Variants in BMP15 observed in about 807,000 individuals in gnomAD.
BMP15 encodes the protein bone morphogenetic protein 15, also known as growth/differentiation factor 9B.
BMP15 carries 5 observed loss-of-function variants against 4.4 expected under a neutral mutation model. The observed-to-expected ratio is 1.13, with a 90% CI of 0.59 to 2.38. The LOEUF (loss-of-function observed/expected upper bound fraction) is 2.38. Among genes scored for constraint, BMP15 ranks in the 30% most tolerant of loss-of-function variants. The probability of loss-of-function intolerance (pLI) is 0.01; values close to 1 mark genes in which losing one functional copy is unlikely to be tolerated. For synonymous variants in BMP15, 125 were observed against 114.6 expected, an observed-to-expected ratio of 1.09 and a Z score of -0.58; for missense variants, 339 against 309.8, an observed-to-expected ratio of 1.09 and a Z score of -0.71.
chrX:50,915,607 T>C lies in BMP15; in HGVS notation c.329-150T>C. 6.0e-6 allele frequency: 4 copies of C among 663,690 alleles called. No homozygotes were observed. The East Asian group carries it at 1.4e-4, about 22-fold the overall frequency. The allele number at this position is 663,690 out of a possible 1,213,427, so 54.7% of individuals were successfully genotyped here. ...ACATGTAAAGCATCTAGTGTATTAGTAAGTGCTCAGTAAATGATAGTATCA... is the reference window on the plus strand; with the variant it reads ...ACATGTAAAGCATCTAGTGTATTAGCAAGTGCTCAGTAAATGATAGTATCA... On this transcript the variant is annotated intron_variant, in intron 1 of 1. Transcript: ENST00000252677.
Position 50,916,290 on chromosome X carries a change from A to G in BMP15, c.862A>G (p.Asn288Asp), listed in dbSNP as rs141949448. Residue 288 changes from asparagine to aspartate, a missense_variant, in exon 2 of 2, where the codon AAT (asparagine) becomes GAT (aspartate). Physicochemically the swap from Asn to Asp is conservative, Grantham distance 23. Transcript: ENST00000252677. Reference protein sequence around the residue: ...ASSSKHSGPENNQCSLHPFQI... With the variant: ...ASSSKHSGPEDNQCSLHPFQI... ...TTCCTCAAAACATAGCGGGCCTGAA[A>G]ATAACCAGTGTTCCCTCCACCCTTT... 173 of 1,203,511 alleles carry G rather than the reference A, an allele frequency of 1.4e-4. No individual in the cohort carries two copies. The African/African-American group carries it at 2.7e-3, about 19-fold the overall frequency.
intron 1 of BMP15, among the ~76,000 whole-genome samples, chrX:50,914,652 A>T (rs781799473): frequency 8.9e-6 from 1 of 112,189 alleles, no homozygotes; most frequent in South Asian, 3.7e-4. Flanking sequence ...CTAATGAAGA[A>T]TTCCAGGCTT....
At chrX:50,912,737 G>A (rs1923039170) in intron 1 of BMP15, among the ~76,000 whole-genome samples, 1 of 111,943 alleles carries the variant, frequency 8.9e-6, no homozygotes, top group Admixed American at 9.5e-5. Flanking sequence ...ATCAAGATAG[G>A]TAAAACCCCT....
In BMP15 at chrX:50,916,578, A is replaced by G. The variant is rs781968822; in HGVS notation, c.1150A>G (p.Met384Val). 6 of 1,209,416 alleles carry G rather than the reference A, an allele frequency of 5.0e-6. No homozygotes were observed. In the East Asian group the frequency reaches 1.8e-4, roughly 36 times the overall value. The change falls in exon 2 of 2, where the codon ATG becomes GTG. Residue 384 changes from methionine to valine, a missense_variant. Transcript: ENST00000252677. ...TATTTTGTACAAGGAGTATGAGGGTATGATTGCTGAGTCTTGTACATGCAG... is the reference window on the plus strand; with the variant it reads ...TATTTTGTACAAGGAGTATGAGGGTGTGATTGCTGAGTCTTGTACATGCAG... The part of the protein sequence containing the change: ...GSILYKEYEG[M>V]IAESCTCR
At chrX:50,912,986 G>C (rs1261596608) in intron 1 of BMP15, among the ~76,000 whole-genome samples, 2 of 111,418 alleles carry the variant, frequency 1.8e-5, no homozygotes, top group South Asian at 3.8e-4. Context: ...TTAGGCAGAG[G>C]AACAACAGGT....
At position 50,911,089 on chromosome X, in the gene BMP15, C is replaced by A. The variant is rs1557279948; in HGVS notation, c.306C>A (p.Thr102=). 9 of 1,185,533 alleles carry A rather than the reference C, an allele frequency of 7.6e-6. No homozygotes were observed. The highest frequency in any genetic ancestry group is 7.9e-6 in the Non-Finnish European group (7 of 882,074). ...ATMVRLVKPL[T]NVARPHRGTW... is the part of the protein sequence containing the mutation. ...TGGTGAGGCTGGTGAAGCCCTTGAC[C>A]AATGTGGCAAGGCCTCACAGAGGTG... Residue 102 remains threonine (T), a synonymous_variant, in exon 1 of 2, where the codon ACC becomes ACA. Transcript: ENST00000252677.
chrX:50,910,847 A>C lies in BMP15; in HGVS notation c.64A>C (p.Arg22=), dbSNP rs782583289. Residue 22 remains arginine, a synonymous_variant, in exon 1 of 2, where the codon AGG becomes CGG. Coordinates refer to ENST00000252677, the MANE Select transcript of BMP15 (RefSeq NM_005448.2). ...TGAACTCGTGCTTTTCATGGAACACAGGGCCCAAATGGCAGAAGGAGGGCA... is the reference window on the plus strand; with the variant it reads ...TGAACTCGTGCTTTTCATGGAACACCGGGCCCAAATGGCAGAAGGAGGGCA... The part of the protein sequence containing the change: ...LCELVLFMEH[R]AQMAEGGQSS... 6 of 1,207,912 alleles carry C rather than the reference A, an allele frequency of 5.0e-6. No homozygotes were observed. The highest frequency in any genetic ancestry group is 3.0e-5 in the East Asian group (1 of 33,702).
intron 1 of BMP15, among the ~76,000 whole-genome samples, chrX:50,911,481 T>G (rs1923014153): frequency 8.9e-6 from 1 of 112,076 alleles, no homozygotes; most frequent in African/African-American, 3.2e-5. Context: ...GTTTTGCTCT[T>G]AGAGTACAGC....
Position 50,916,432 on chromosome X carries a change from C to A in BMP15, c.1004C>A (p.Pro335His), listed in dbSNP as rs1923137691. The change falls in exon 2 of 2, where the codon CCC (proline) becomes CAC (histidine). Residue 335 changes from proline (P) to histidine (H), a missense_variant. Coordinates refer to ENST00000252677, the MANE Select transcript of BMP15 (RefSeq NM_005448.2). ...GTACTACGCGATGGTCTCAATTCCC[C>A]CAATCACGCCATTATTCAGAACCTT... ...LRVLRDGLNS[P>H]NHAIIQNLIN... 2 of 1,208,175 alleles carry A rather than the reference C, an allele frequency of 1.7e-6. No homozygotes were observed. Among genetic ancestry groups the A allele is most frequent in the Non-Finnish European group, 2.2e-6 (2 of 894,200 alleles).
chrX:50,914,224 A>T (rs1442197711), intron 1 of BMP15, among the ~76,000 whole-genome samples: 1 of 111,991 alleles, frequency 8.9e-6, no homozygotes, highest in Non-Finnish European at 1.9e-5. Context: ...CGCCCGCCTC[A>T]GACTCCCAAA....
intron 1 of BMP15, among the ~76,000 whole-genome samples, chrX:50,914,129 C>T (rs373443462): frequency 1.8e-5 from 2 of 111,615 alleles, no homozygotes; most frequent in East Asian, 5.7e-4. Context: ...TGCCACCACG[C>T]CCGGCTAATT....
In BMP15 at chrX:50,915,771, C is replaced by A; in HGVS notation, c.343C>A (p.Gln115Lys). The stretch of plus-strand genomic sequence containing the variant: ...TACTTCTGCAGGTACCTGGCATATA[C>A]AGATCCTGGGCTTTCCTCTCAGACC... ...ARPHRGTWHI[Q>K]ILGFPLRPNR... The change falls in exon 2 of 2, where the codon CAG (glutamine) becomes AAG (lysine). Residue 115 changes from glutamine (Q) to lysine (K), a missense_variant. Physicochemically the swap from Gln to Lys is moderately conservative, Grantham distance 53 (BLOSUM62 1). Transcript: ENST00000252677. The A allele has an allele frequency of 1.7e-6, 2 of 1,211,610 alleles. No homozygotes were observed. The highest frequency in any genetic ancestry group is 3.5e-5 in the South Asian group (2 of 56,963).
At chrX:50,915,483 G>A (rs781964029) in intron 1 of BMP15, among the ~76,000 whole-genome samples, 1 of 111,105 alleles carries the variant, frequency 9.0e-6, no homozygotes, top group African/African-American at 3.3e-5. Context: ...CATACCAGCT[G>A]TGTGTCCTTT....
At position 50,915,764 on chromosome X, in the gene BMP15, G is replaced by T; in HGVS notation, c.336G>T (p.Trp112Cys). Residue 112 changes from tryptophan (W) to cysteine (C), a missense_variant, in exon 2 of 2, where the codon TGG (tryptophan) becomes TGT (cysteine). Transcript: ENST00000252677. ...TCCCTCTTACTTCTGCAGGTACCTG[G>T]CATATACAGATCCTGGGCTTTCCTC... The part of the protein sequence containing the change: ...TNVARPHRGT[W>C]HIQILGFPLR... The T allele has an allele frequency of 8.3e-7, 1 of 1,211,193 alleles. No individual in the cohort carries two copies. The highest frequency in any genetic ancestry group is 1.1e-6 in the Non-Finnish European group (1 of 895,298).
At chrX:50,915,697 A>G in intron 1 of BMP15, 60 bp from the exon 2 acceptor site, 2 of 1,193,090 alleles carry the variant, frequency 1.7e-6, no homozygotes, top group Non-Finnish European at 2.3e-6. Flanking sequence ...TTTATGAGGA[A>G]TATTCATGTT....
chrX:50,916,350 T>C lies in BMP15; in HGVS notation c.922T>C (p.Trp308Arg), dbSNP rs1557280352. 1 of 1,192,732 alleles carries C rather than the reference T, an allele frequency of 8.4e-7. No individual in the cohort carries two copies. Among genetic ancestry groups the C allele is most frequent in the Non-Finnish European group, 1.1e-6 (1 of 884,821 alleles). The change falls in exon 2 of 2, where the codon TGG becomes CGG. Residue 308 changes from tryptophan to arginine, a missense_variant. By Grantham distance (101) the Trp-to-Arg change is moderately radical (BLOSUM62 -3). Transcript: ENST00000252677. ...ISFRQLGWDHWIIAPPFYTPN... is the reference protein window; with the variant it reads ...ISFRQLGWDHRIIAPPFYTPN... ...CTTCCGCCAGCTGGGTTGGGATCAC[T>C]GGATCATTGCTCCCCCTTTCTACAC...
chrX:50,911,579 G>A (rs1923016727), intron 1 of BMP15, among the ~76,000 whole-genome samples: 1 of 111,726 alleles, frequency 9.0e-6, no homozygotes. Flanking sequence ...CTGTGAACAT[G>A]TGCTACTGTA....
At chrX:50,913,864 G>A (rs1171423607) in intron 1 of BMP15, among the ~76,000 whole-genome samples, 1 of 111,650 alleles carries the variant, frequency 9.0e-6, no homozygotes, top group East Asian at 2.8e-4. Context: ...ATGGGAGTGT[G>A]GAATAACTTG....
intron 1 of BMP15, among the ~76,000 whole-genome samples, chrX:50,914,578 C>A: frequency 9.0e-6 from 1 of 111,009 alleles, no homozygotes; most frequent in Admixed American, 9.6e-5. Flanking sequence ...CAGAGGGAGA[C>A]TCTGGAAAAA....
Sources: gnomAD v4.1 joint callset for allele counts (sites outside exome capture counted in the v4.1 genomes callset) on GRCh38, gnomAD v4.1.1 for gene constraint, MANE v1.5 for transcripts, NCBI Gene and HGNC (gene_info 2026-07-23, HGNC 2026-07-21) for gene names.